TNRC18: variants seen among roughly 807,000 people sequenced by gnomAD.
The protein encoded by TNRC18 is trinucleotide repeat-containing gene 18 protein.
Under a neutral mutation model 226.7 loss-of-function variants are expected in TNRC18, and 69 were observed. The ratio of observed to expected loss-of-function variants is 0.30; its 90% CI spans 0.25 to 0.37. TNRC18 has a LOEUF of 0.37. Among genes scored for constraint, TNRC18 ranks in the 10% least tolerant of loss-of-function variants. The probability of loss-of-function intolerance (pLI) is 1.00; values close to 1 mark genes in which losing one functional copy is unlikely to be tolerated. For synonymous variants in TNRC18, 2,449 were observed against 1,927.6 expected (o/e 1.27, Z -7.09); for missense variants, 4,754 against 4,256.6 (o/e 1.12, Z -3.25).
intron 2 of TNRC18, among the ~76,000 whole-genome samples, chr7:5,409,035 C>T (rs1029912350): frequency 6.6e-5 from 10 of 152,172 alleles, no homozygotes; most frequent in Admixed American, 2.0e-4. Context: ...AGACAAGAAA[C>T]CGCTGAATTC....
chr7:5,411,693 C>G (rs1003249222), intron 2 of TNRC18, among the ~76,000 whole-genome samples: 1 of 151,898 alleles, frequency 6.6e-6, no homozygotes, highest in Admixed American at 6.6e-5. Context: ...GGGAGTAAAA[C>G]AGGAAACGGG....
intron 9 of TNRC18, 23 bp downstream of exon 9, chr7:5,376,011 G>T: frequency 6.4e-7 from 1 of 1,571,324 alleles, no homozygotes; most frequent in Non-Finnish European, 8.6e-7. Context: ...AGAGGGAGCT[G>T]CGCCTCATCC....
intron 21 of TNRC18, among the ~76,000 whole-genome samples, chr7:5,323,205 C>T (rs1042361052): frequency 5.9e-5 from 9 of 152,126 alleles, no homozygotes; most frequent in Non-Finnish European, 1.2e-4. Flanking sequence ...ACTCGCTCCC[C>T]CATCCATACC....
chr7:5,345,519 C>CCCCA, intron 18 of TNRC18, 43 bp downstream of exon 18: 1 of 174,076 alleles, frequency 5.7e-6, no homozygotes, highest in Non-Finnish European at 1.2e-5. Context: ...TGGCGTCCGC[C>CCCCA]CCTCCCACCC....
intron 16 of TNRC18, among the ~76,000 whole-genome samples, chr7:5,355,574 A>AC (rs1212811729): frequency 1.3e-5 from 2 of 152,064 alleles, no homozygotes; most frequent in African/African-American, 4.8e-5. Flanking sequence ...AAACAGGGAG[A>AC]CCCCATCTCT....
intron 9 of TNRC18, 65 bp downstream of exon 9, chr7:5,375,969 A>C: frequency 6.9e-7 from 1 of 1,453,258 alleles, no homozygotes; most frequent in Non-Finnish European, 9.3e-7. Context: ...CTGCTGGCTG[A>C]CTCGTCTGCC....
At chr7:5,381,307 C>G (rs1418612813) in intron 5 of TNRC18, among the ~76,000 whole-genome samples, 1 of 152,180 alleles carries the variant, frequency 6.6e-6, no homozygotes, top group African/African-American at 2.4e-5. Flanking sequence ...TATCTGTCAC[C>G]CCACAGGCCC....
intron 2 of TNRC18, among the ~76,000 whole-genome samples, chr7:5,412,165 C>T (rs1426945213): frequency 7.0e-6 from 1 of 143,118 alleles, no homozygotes; most frequent in Non-Finnish European, 1.5e-5. Context: ...CTCCAGCCTG[C>T]GTAACAGAGC....
At position 5,307,909 on chromosome 7, in the gene TNRC18, G is replaced by A. The variant is rs911193488; in HGVS notation, c.*197C>T. On this transcript the variant is annotated 3_prime_UTR_variant, in exon 30 of 30. Transcript: ENST00000430969. Reference sequence around the variant, plus strand: ...ACTGAGGGGTTGGAAGGTGGGGCTGGAGGCATGTGCACATGCGTGCACACA... The same window carrying A: ...ACTGAGGGGTTGGAAGGTGGGGCTGAAGGCATGTGCACATGCGTGCACACA... The A allele has an allele frequency of 6.7e-6, 4 of 598,920 alleles. No individual in the cohort carries two copies. The highest frequency in any genetic ancestry group is 1.2e-5 in the Non-Finnish European group (4 of 338,186). The allele number at this position is 598,920 out of a possible 1,614,324, so 37.1% of individuals were successfully genotyped here.
chr7:5,394,619 C>G lies in TNRC18; in HGVS notation c.188-24G>C, dbSNP rs1246363174. 2 of 1,530,476 alleles carry G rather than the reference C, an allele frequency of 1.3e-6. No individual in the cohort carries two copies. Among genetic ancestry groups the G allele is most frequent in the Admixed American group, 2.2e-5 (1 of 46,022 alleles). The allele number at this position is 1,530,476 out of a possible 1,614,324, so 94.8% of individuals were successfully genotyped here. ...GCCTGCAGAGAGAAGTTGGGAGGAC[C>G]GTCAGGCAGACAACCAGGGAGGCGC... On this transcript the variant is annotated intron_variant, in intron 2 of 29. Coordinates refer to ENST00000430969, the MANE Select transcript of TNRC18 (RefSeq NM_001080495.3). This position sits in a 1 kb window ranked among gnomAD's most constrained non-coding sequence, Gnocchi z 4.5.
At chr7:5,406,416 T>G (rs1781466051) in intron 2 of TNRC18, among the ~76,000 whole-genome samples, 1 of 152,028 alleles carries the variant, frequency 6.6e-6, no homozygotes, top group South Asian at 2.1e-4. Flanking sequence ...GAGCCGAGAT[T>G]GCGCCACTGC....
At chr7:5,396,507 C>G (rs976689248) in intron 2 of TNRC18, among the ~76,000 whole-genome samples, 1 of 152,124 alleles carries the variant, frequency 6.6e-6, no homozygotes, top group Non-Finnish European at 1.5e-5. Flanking sequence ...CCAATCCAGG[C>G]GACAGAACAA....
At position 5,388,244 on chromosome 7, in the gene TNRC18, G is replaced by C. The variant is rs747824163; in HGVS notation, c.1580C>G (p.Ala527Gly). Reference protein sequence around the residue: ...NFAATQMAVLAAQHHHSRAEE... With the variant: ...NFAATQMAVLGAQHHHSRAEE... Reference sequence around the variant, plus strand: ...GGCGCGGCTGTGGTGGTGCTGCGCGGCCAGCACGGCCATCTGCGTGGCGGC... The same window carrying C: ...GGCGCGGCTGTGGTGGTGCTGCGCGCCCAGCACGGCCATCTGCGTGGCGGC... The change falls in exon 5 of 30, where the codon GCC becomes GGC. Residue 527 changes from alanine (A) to glycine (G), a missense_variant. By Grantham distance (60) the Ala-to-Gly change is moderately conservative (BLOSUM62 0). Coordinates refer to ENST00000430969, the MANE Select transcript of TNRC18 (RefSeq NM_001080495.3). The C allele has an allele frequency of 5.6e-6, 9 of 1,606,002 alleles. No individual in the cohort carries two copies. The South Asian group carries it at 1.0e-4, about 18-fold the overall frequency.
intron 4 of TNRC18, 126 bp from the exon 5 acceptor site, chr7:5,389,462 T>TG: frequency 1.0e-6 from 1 of 970,372 alleles, no homozygotes; most frequent in Non-Finnish European, 1.2e-6. Context: ...TTGGTTTTGG[T>TG]TTTTTTTTTC....
intron 17 of TNRC18, among the ~76,000 whole-genome samples, chr7:5,347,014 G>A (rs1027072363): frequency 3.3e-5 from 5 of 151,952 alleles, no homozygotes; most frequent in African/African-American, 9.7e-5. Flanking sequence ...GGCAGTAGAA[G>A]AGCAGGCTCG....
In TNRC18 at chr7:5,359,431, A is replaced by T. The variant is rs1477396610; in HGVS notation, c.4800T>A (p.Asp1600Glu). 6.2e-7 allele frequency: 1 copy of T among 1,614,056 alleles called. No homozygotes were observed. The highest frequency in any genetic ancestry group is 1.1e-5 in the South Asian group (1 of 91,084). The change falls in exon 15 of 30, where the codon GAT (aspartate) becomes GAA (glutamate). Residue 1600 changes from aspartate (D) to glutamate (E), a missense_variant. Coordinates refer to ENST00000430969, the MANE Select transcript of TNRC18 (RefSeq NM_001080495.3). ...GKARGRNQTW[D>E]EHEASSDFIS... ...TGAAGTCCGACGAGGCCTCATGTTC[A>T]TCCCAAGTCTGGTTCCTCCCCCTGG...
intron 4 of TNRC18, 74 bp downstream of exon 4, chr7:5,390,411 T>C (rs748932739): frequency 1.5e-5 from 22 of 1,460,978 alleles, no homozygotes; most frequent in South Asian, 1.3e-4. Flanking sequence ...GGGGGCTACC[T>C]GGATGCTGCC....
At chr7:5,398,271 A>G (rs1344923465) in intron 2 of TNRC18, among the ~76,000 whole-genome samples, 1 of 152,056 alleles carries the variant, frequency 6.6e-6, no homozygotes, top group Non-Finnish European at 1.5e-5. Context: ...CCCGGGTTCA[A>G]GTGTTTCTCC....
chr7:5,387,450 C>G (rs538499764), intron 5 of TNRC18, among the ~76,000 whole-genome samples: 1 of 152,288 alleles, frequency 6.6e-6, no homozygotes, highest in East Asian at 1.9e-4. Flanking sequence ...AGCAACGTTC[C>G]GAACACAAAA....
Sources: gnomAD v4.1 joint callset for allele counts (sites outside exome capture counted in the v4.1 genomes callset) on GRCh38, gnomAD v4.1.1 for gene constraint, Gnocchi (gnomAD v3.1) non-coding constraint, MANE v1.5 for transcripts, NCBI Gene and HGNC (gene_info 2026-07-23, HGNC 2026-07-21) for gene names.